Variants in ANKRD12 observed in about 807,000 individuals in gnomAD.
ANKRD12 encodes the protein ankyrin repeat domain-containing protein 12.
In ANKRD12, 85 loss-of-function variants were observed where a neutral mutation model predicts 183.4. The ratio of observed to expected loss-of-function variants is 0.46; its 90% confidence interval spans 0.39 to 0.56. The LOEUF is 0.56. Ranked by LOEUF, ANKRD12 falls within the 20% of genes least tolerant of loss-of-function variation. The pLI, the probability that ANKRD12 is intolerant of heterozygous loss-of-function variation, is 0.00. For missense variants in ANKRD12, 2,405 were observed against 2,357.1 expected, an observed-to-expected ratio of 1.02 and a Z score of -0.42; for synonymous variants, 914 against 800.2, an observed-to-expected ratio of 1.14 and a Z score of -2.40.
At chr18:9,173,628 A>AGGGG (rs775694472) in intron 1 of ANKRD12, among the ~76,000 whole-genome samples, 80 of 51,276 alleles carry the variant, frequency 1.6e-3, no homozygotes, top group Middle Eastern at 8.5e-3. Flanking sequence ...GGGGGGGGGT[A>AGGGG]GGGGGGGCAG....
chr18:9,271,222 C>T (rs1488766919), intron 10 of ANKRD12, among the ~76,000 whole-genome samples: 1 of 152,098 alleles, frequency 6.6e-6, no homozygotes, highest in Non-Finnish European at 1.5e-5. Context: ...CAAGCATGCA[C>T]CACTACACCC....
intron 6 of ANKRD12, among the ~76,000 whole-genome samples, chr18:9,212,002 T>G (rs2035831045): frequency 6.6e-6 from 1 of 152,118 alleles, no homozygotes; most frequent in African/African-American, 2.4e-5. Context: ...AAACTTATAC[T>G]TTAGTTGACA....
chr18:9,275,705 G>GA (rs748688109), intron 11 of ANKRD12, 38 bp downstream of exon 11: 172 of 1,474,388 alleles, frequency 1.2e-4, no homozygotes, highest in Middle Eastern at 7.9e-4. Context: ...GTAATGGTCT[G>GA]AAAAAATGCA....
intron 3 of ANKRD12, among the ~76,000 whole-genome samples, chr18:9,202,429 A>G (rs555400504): frequency 1.3e-5 from 2 of 152,196 alleles, no homozygotes; most frequent in Non-Finnish European, 2.9e-5. Context: ...AGTAAGAATA[A>G]TCACCTTTGG....
intron 2 of ANKRD12, among the ~76,000 whole-genome samples, chr18:9,189,687 A>T (rs2144311875): frequency 6.6e-6 from 1 of 152,364 alleles, no homozygotes; most frequent in African/African-American, 2.4e-5. Context: ...CCTGTACCTT[A>T]TCAATGGAAA....
intron 8 of ANKRD12, among the ~76,000 whole-genome samples, chr18:9,225,707 TGA>T (rs2036666583): frequency 6.6e-6 from 1 of 152,180 alleles, no homozygotes; most frequent in Admixed American, 6.5e-5. Flanking sequence ...AATCCAAATA[TGA>T]TTCCATAGGA....
At chr18:9,263,915 T>C (rs367783334) in intron 10 of ANKRD12, 27 bp downstream of exon 10, 42 of 1,346,816 alleles carry the variant, frequency 3.1e-5, no homozygotes, top group African/African-American at 9.0e-5. Context: ...TTTACACTTA[T>C]GCTAAAAATA....
chr18:9,228,815 A>T (rs2036873718), intron 8 of ANKRD12, among the ~76,000 whole-genome samples: 1 of 151,620 alleles, frequency 6.6e-6, no homozygotes, highest in African/African-American at 2.4e-5. Flanking sequence ...TTATAGTTTG[A>T]TAGCCCCATT....
Position 9,258,498 on chromosome 18 carries a change from C to T in ANKRD12, c.5231C>T (p.Ala1744Val). ...ACTAGAAACAAAGCAAATACAATGG[C>T]AAATCAAAGCAAACAGATTCTTGCT... ...RMTRNKANTM[A>V]NQSKQILASC... Residue 1744 changes from alanine to valine, a missense_variant, in exon 9 of 13, where the codon GCA becomes GTA. By Grantham distance (64) the Ala-to-Val change is moderately conservative (BLOSUM62 0). Transcript: ENST00000262126. 6.2e-7 allele frequency: 1 copy of T among 1,613,632 alleles called. No individual in the cohort carries two copies. Among genetic ancestry groups the T allele is most frequent in the Non-Finnish European group, 8.5e-7 (1 of 1,179,890 alleles).
At chr18:9,243,042 C>T (rs1177333640) in intron 8 of ANKRD12, among the ~76,000 whole-genome samples, 1 of 152,080 alleles carries the variant, frequency 6.6e-6, no homozygotes, top group African/African-American at 2.4e-5. Flanking sequence ...ATTTTATTTT[C>T]CTGTTTCTAA....
intron 4 of ANKRD12, among the ~76,000 whole-genome samples, chr18:9,205,375 TAG>T (rs1290199498): frequency 4.9e-4 from 75 of 152,058 alleles, no homozygotes; most frequent in Non-Finnish European, 5.7e-4. Context: ...ATATGACATT[TAG>T]TTATAAAAAC....
At chr18:9,251,741 CCA>C (rs772139021) in intron 8 of ANKRD12, among the ~76,000 whole-genome samples, 4 of 152,020 alleles carry the variant, frequency 2.6e-5, no homozygotes, top group Admixed American at 6.6e-5. Context: ...TTGCAGTGAG[CCA>C]CGATCACGCC....
intron 8 of ANKRD12, among the ~76,000 whole-genome samples, chr18:9,239,054 G>A (rs1485357970): frequency 6.6e-6 from 1 of 152,198 alleles, no homozygotes; most frequent in Non-Finnish European, 1.5e-5. Flanking sequence ...GAGCCTGGGA[G>A]GTCGAGGCTG....
intron 1 of ANKRD12, among the ~76,000 whole-genome samples, chr18:9,177,316 C>T (rs150364938): frequency 1.8e-3 from 272 of 152,266 alleles, no homozygotes; most frequent in African/African-American, 6.0e-3. Flanking sequence ...CATCATTGCC[C>T]GTCCCCTCTC....
At chr18:9,235,541 A>G (rs953215502) in intron 8 of ANKRD12, 2 of 384,570 alleles carry the variant, frequency 5.2e-6, no homozygotes, top group Non-Finnish European at 1.1e-5. Context: ...AAAGAGAAAA[A>G]GAATATACTA....
rs533538211 is a variant in ANKRD12, at chr18:9,203,532, A to G, written c.236-944A>G. Among the ~76,000 whole-genome samples the G allele has an allele frequency of 3.3e-5, 5 of 152,294 alleles. No individual in the cohort carries two copies. The East Asian group carries it at 9.6e-4, about 29-fold the overall frequency. On this transcript the variant is annotated intron_variant, in intron 3 of 12. Coordinates refer to ENST00000262126, the MANE Select transcript of ANKRD12 (RefSeq NM_015208.5). ...GCCATATTGCCAAAGTCAATTGTCCATATTCATATTTCTCTGTCATGAATT... is the reference window on the plus strand; with the variant it reads ...GCCATATTGCCAAAGTCAATTGTCCGTATTCATATTTCTCTGTCATGAATT...
chr18:9,279,082 TAAA>T (rs2039987204), intron 11 of ANKRD12, among the ~76,000 whole-genome samples: 3 of 151,834 alleles, frequency 2.0e-5, no homozygotes, highest in Non-Finnish European at 4.4e-5. Flanking sequence ...TAAGTGTTGA[TAAA>T]GAATTTCTTC....
chr18:9,261,774 A>G (rs916321457), intron 9 of ANKRD12, among the ~76,000 whole-genome samples: 3 of 152,118 alleles, frequency 2.0e-5, no homozygotes, highest in Non-Finnish European at 2.9e-5. Context: ...TTCTTCCCAC[A>G]TGATTCGTTT....
In ANKRD12 at chr18:9,204,504, T is replaced by G. The variant is rs754371932; in HGVS notation, c.264T>G (p.Asn88Lys). ...CAGATCCAGGACATACAAGTGAAAA[T>G]TGGGGGGAGAGACTTATATCTTCTT... ...TDSDPGHTSE[N>K]WGERLISSYR... Residue 88 changes from asparagine (N) to lysine (K), a missense_variant, in exon 4 of 13, where the codon AAT becomes AAG. Physicochemically the swap from Asn to Lys is moderately conservative, Grantham distance 94. Transcript: ENST00000262126. 1.8e-4 allele frequency: 287 copies of G among 1,603,996 alleles called. 1 individual carries two copies. Among genetic ancestry groups the G allele is most frequent in the Non-Finnish European group, 2.2e-4 (259 of 1,173,338 alleles).
Sources: gnomAD v4.1 joint callset for allele counts (sites outside exome capture counted in the v4.1 genomes callset) on GRCh38, gnomAD v4.1.1 for gene constraint, MANE v1.5 for transcripts, NCBI Gene and HGNC (gene_info 2026-07-23, HGNC 2026-07-21) for gene names.